Variants in MTUS2 observed in about 807,000 individuals in gnomAD.
MTUS2 encodes the protein microtubule associated scaffold protein 2.
A neutral mutation model predicts 114.1 loss-of-function variants in MTUS2; 40 were observed. That is an observed-to-expected ratio of 0.35 (90% CI 0.27 to 0.46). The LOEUF is 0.46. Among genes scored for constraint, MTUS2 ranks in the 20% least tolerant of loss-of-function variants. The pLI is 1.00. For synonymous variants in MTUS2, 688 were observed against 672.0 expected (o/e 1.02, Z -0.37); for missense variants, 1,679 against 1,705.4 (o/e 0.98, Z 0.27).
intron 7 of MTUS2, among the ~76,000 whole-genome samples, chr13:29,336,728 T>C (rs1287926491): frequency 6.6e-6 from 1 of 152,218 alleles, no homozygotes; most frequent in Non-Finnish European, 1.5e-5. Flanking sequence ...TTAAGTCTGC[T>C]GAAGCTGCAC....
chr13:29,185,451 C>T (rs1485380121), intron 5 of MTUS2, among the ~76,000 whole-genome samples: 1 of 152,148 alleles, frequency 6.6e-6, no homozygotes, highest in African/African-American at 2.4e-5. Context: ...CTCCACATAG[C>T]ATAAACTCAA....
chr13:29,059,039 A>G (rs372921724), intron 4 of MTUS2, among the ~76,000 whole-genome samples: 1 of 151,912 alleles, frequency 6.6e-6, no homozygotes, highest in African/African-American at 2.4e-5. Context: ...GTTCCTGTCC[A>G]TATTCTGAAT....
chr13:29,185,968 A>C (rs1894206883), intron 5 of MTUS2, among the ~76,000 whole-genome samples: 2 of 152,178 alleles, frequency 1.3e-5, no homozygotes, highest in South Asian at 4.1e-4. Context: ...GAACTTTGGG[A>C]GGCTGAGGCA....
intron 5 of MTUS2, among the ~76,000 whole-genome samples, chr13:29,213,025 T>C (rs1157169656): frequency 1.3e-5 from 2 of 152,000 alleles, no homozygotes; most frequent in African/African-American, 4.8e-5. Flanking sequence ...GAGTAAATGA[T>C]GCTTCTGTTA....
chr13:29,166,574 T>G (rs1700273487), intron 5 of MTUS2, among the ~76,000 whole-genome samples: 1 of 152,240 alleles, frequency 6.6e-6, no homozygotes, highest in African/African-American at 2.4e-5. Context: ...ACAGTTTTGT[T>G]TCTAGGTTTA....
rs188518131 is a variant in MTUS2 at position 29,025,101 on chromosome 13, T to C, written c.403T>C (p.Trp135Arg). The change falls in exon 3 of 16, where the codon TGG (tryptophan) becomes CGG (arginine). Residue 135 changes from tryptophan to arginine, a missense_variant. Physicochemically the swap from Trp to Arg is moderately radical, Grantham distance 101. Transcript: ENST00000612955. ...RSIQGPSLSS[W>R]RNVMSEASLD... ...TATTCAGGGACCAAGTCTGTCGAGT[T>C]GGAGGAATGTGATGAGTGAGGCCAG... The C allele has an allele frequency of 2.0e-3, 3,230 of 1,613,794 alleles. 7 individuals carry two copies. Among genetic ancestry groups the C allele is most frequent in the Non-Finnish European group, 2.4e-3 (2,882 of 1,179,852 alleles).
Position 29,346,171 on chromosome 13 carries a change from T to C in MTUS2, c.2906-13091T>C, listed in dbSNP as rs368458835. ...GTGGTGCTTTCAAGAGAGCCTCAGC[T>C]GCAGTAGTGTAGGGAGGATACAAGC... On this transcript the variant is annotated intron_variant, in intron 7 of 15. Coordinates refer to ENST00000612955, the MANE Select transcript of MTUS2 (RefSeq NM_001033602.4). Among the ~76,000 whole-genome samples, 29 of 152,282 alleles carry C rather than the reference T, an allele frequency of 1.9e-4. No individual in the cohort carries two copies. The South Asian group carries it at 5.8e-3, about 30-fold the overall frequency.
intron 2 of MTUS2, among the ~76,000 whole-genome samples, chr13:28,948,206 G>A (rs1005073300): frequency 2.6e-5 from 4 of 152,168 alleles, no homozygotes; most frequent in Admixed American, 2.6e-4. Context: ...GTGTTCATTA[G>A]CCAGCTGTTT....
At chr13:29,390,827 G>A (rs1873389013) in intron 8 of MTUS2, among the ~76,000 whole-genome samples, 1 of 151,760 alleles carries the variant, frequency 6.6e-6, no homozygotes, top group Non-Finnish European at 1.5e-5. Context: ...CTGTCACCCA[G>A]GCTGGAGTGC....
At chr13:28,973,615 G>T (rs1203041036) in intron 2 of MTUS2, among the ~76,000 whole-genome samples, 3 of 152,176 alleles carry the variant, frequency 2.0e-5, no homozygotes, top group South Asian at 2.1e-4. Flanking sequence ...TGTGACAAGG[G>T]TTTCTAACTG....
At chr13:28,905,535 TG>T (rs1210324775) in intron 2 of MTUS2, among the ~76,000 whole-genome samples, 4 of 151,684 alleles carry the variant, frequency 2.6e-5, no homozygotes. Context: ...TCTTTGGTTC[TG>T]TTTATATGCT....
rs576432616 is a variant in MTUS2 at position 28,890,193 on chromosome 13, G to A, written c.-243+50343G>A. Reference sequence around the variant, plus strand: ...CATCATAATTCTATAAGATGGCTCGGAAGGGACCTTACTGAAACATCTAGA... The same window carrying A: ...CATCATAATTCTATAAGATGGCTCGAAAGGGACCTTACTGAAACATCTAGA... On this transcript the variant is annotated intron_variant, in intron 2 of 15. Coordinates refer to ENST00000612955, the MANE Select transcript of MTUS2 (RefSeq NM_001033602.4). Among the ~76,000 whole-genome samples, 3 of 152,302 alleles carry A rather than the reference G, an allele frequency of 2.0e-5. No homozygotes were observed. The East Asian group carries it at 5.8e-4, about 29-fold the overall frequency.
intron 2 of MTUS2, among the ~76,000 whole-genome samples, chr13:28,867,776 G>C (rs899756866): frequency 6.6e-6 from 1 of 152,142 alleles, no homozygotes; most frequent in Non-Finnish European, 1.5e-5. Flanking sequence ...CCTGCATCCC[G>C]TGCCTACTGT....
At chr13:29,263,282 T>C (rs1897544413) in intron 5 of MTUS2, among the ~76,000 whole-genome samples, 1 of 152,182 alleles carries the variant, frequency 6.6e-6, no homozygotes, top group Admixed American at 6.5e-5. Context: ...TATAGAAGTA[T>C]GTCTTCCTCT....
intron 2 of MTUS2, among the ~76,000 whole-genome samples, chr13:28,919,384 A>G (rs1226614944): frequency 6.6e-6 from 1 of 152,086 alleles, no homozygotes. Context: ...AGCACTTTAA[A>G]TATGTTATGC....
intron 5 of MTUS2, among the ~76,000 whole-genome samples, chr13:29,269,458 C>T (rs1229307103): frequency 1.3e-5 from 2 of 152,090 alleles, no homozygotes; most frequent in South Asian, 2.1e-4. Flanking sequence ...GAAAATGATA[C>T]GAAGCCAGAG....
In MTUS2 at chr13:29,469,335, A is replaced by G. The variant is rs140511913; in HGVS notation, c.3185-10815A>G. Reference sequence around the variant, plus strand: ...GGATTCAGCGTACAGTAAATTCTTTAAGAAAGAAGGCGGCCAGGCGTGGTG... The same window carrying G: ...GGATTCAGCGTACAGTAAATTCTTTGAGAAAGAAGGCGGCCAGGCGTGGTG... On this transcript the variant is annotated intron_variant, in intron 9 of 15. Transcript: ENST00000612955. 3.5e-4 allele frequency among the ~76,000 whole-genome samples: 53 copies of G among 152,244 alleles called. 1 individual carries two copies. Among genetic ancestry groups the G allele is most frequent in the African/African-American group, 1.2e-3 (48 of 41,538 alleles).
Position 29,034,091 on chromosome 13 carries a change from A to AGTCTCT in MTUS2, c.2412_2413insGTCTCT (p.Thr804_Thr805insValSer). On this transcript the variant is annotated inframe_insertion, in exon 4 of 16. Coordinates refer to ENST00000612955, the MANE Select transcript of MTUS2 (RefSeq NM_001033602.4). ...CCATCCACCCACCAGGACCCATAAC[A>AGTCTCT]ACAGCCACCAGTCTCTACAGTTCCG... 1 of 1,613,976 alleles carries AGTCTCT rather than the reference A, an allele frequency of 6.2e-7. No homozygotes were observed. The highest frequency in any genetic ancestry group is 8.5e-7 in the Non-Finnish European group (1 of 1,179,878).
chr13:29,019,842 G>A (rs1367008967), intron 2 of MTUS2, among the ~76,000 whole-genome samples: 1 of 152,264 alleles, frequency 6.6e-6, no homozygotes, highest in African/African-American at 2.4e-5. Flanking sequence ...GTGCTACACG[G>A]TGTACTTAGA....
Sources: allele counts gnomAD v4.1 joint callset (sites outside exome capture counted in the v4.1 genomes callset), GRCh38; gene constraint gnomAD v4.1.1; transcripts MANE v1.5; gene names NCBI Gene and HGNC (gene_info 2026-07-23, HGNC 2026-07-21).